NRXN1: variants seen among roughly 807,000 people sequenced by gnomAD.
NRXN1 encodes the protein neurexin 1, also known as neurexin-1.
In NRXN1, 39 loss-of-function variants were observed where a neutral mutation model predicts 150.9. The observed-to-expected ratio is 0.26, with a 90% confidence interval of 0.20 to 0.34. The LOEUF is 0.34. Among genes scored for constraint, NRXN1 ranks in the 10% least tolerant of loss-of-function variants. NRXN1 has a pLI of 1.00. For missense variants in NRXN1, 1,815 were observed against 1,949.9 expected (o/e 0.93, Z 1.30); for synonymous variants, 924 against 757.0 (o/e 1.22, Z -3.62).
chr2:50,146,122 G>A lies in NRXN1; in HGVS notation c.3547-54628C>T, dbSNP rs192598442. The stretch of plus-strand genomic sequence containing the variant: ...CTCTTTAAGTGTGTATGAGAGGAGA[G>A]AAGGCGGGTTAAACTGGCAGTTATA... On this transcript the variant is annotated intron_variant, in intron 18 of 22. Transcript: ENST00000401669. Among the ~76,000 whole-genome samples, 6 of 151,772 alleles carry A rather than the reference G, an allele frequency of 4.0e-5. No homozygotes were observed. The East Asian group carries it at 7.8e-4, about 20-fold the overall frequency.
chr2:50,229,072 T>G (rs1380091710), intron 18 of NRXN1, among the ~76,000 whole-genome samples: 1 of 152,026 alleles, frequency 6.6e-6, no homozygotes, highest in African/African-American at 2.4e-5. Context: ...CGATTCTAAT[T>G]TATAATTTGG....
intron 5 of NRXN1, among the ~76,000 whole-genome samples, chr2:50,865,611 T>TGTGC (rs1276098375): frequency 6.8e-6 from 1 of 145,994 alleles, no homozygotes; most frequent in African/African-American, 2.5e-5. Flanking sequence ...TGTGTGTGTG[T>TGTGC]GTGTAGTAGC....
chr2:50,786,901 G>C (rs372017767), intron 5 of NRXN1, among the ~76,000 whole-genome samples: 64 of 152,200 alleles, frequency 4.2e-4, no homozygotes, highest in African/African-American at 1.5e-3. Context: ...TAAAAAAATG[G>C]AAAATTCTTC....
intron 5 of NRXN1, among the ~76,000 whole-genome samples, chr2:50,837,988 C>A (rs1174253765): frequency 6.6e-6 from 1 of 152,060 alleles, no homozygotes; most frequent in Non-Finnish European, 1.5e-5. Context: ...CATTGCTGGC[C>A]TCATAAGACT....
chr2:50,124,553 G>A (rs1213406488), intron 18 of NRXN1, among the ~76,000 whole-genome samples: 1 of 152,054 alleles, frequency 6.6e-6, no homozygotes, highest in Non-Finnish European at 1.5e-5. Flanking sequence ...AATGCATACA[G>A]TTGTATTCAC....
chr2:50,215,451 G>T (rs2063330197), intron 18 of NRXN1, among the ~76,000 whole-genome samples: 1 of 151,874 alleles, frequency 6.6e-6, no homozygotes, highest in Non-Finnish European at 1.5e-5. Flanking sequence ...GTCTAACATT[G>T]TCTCAATCAA....
intron 2 of NRXN1, among the ~76,000 whole-genome samples, chr2:50,984,797 C>A (rs968023234): frequency 6.6e-6 from 1 of 151,912 alleles, no homozygotes; most frequent in Non-Finnish European, 1.5e-5. Flanking sequence ...CAAATCAAGT[C>A]AGTGACAAAG....
At chr2:50,748,923 T>C (rs1473320589) in intron 5 of NRXN1, among the ~76,000 whole-genome samples, 1 of 152,146 alleles carries the variant, frequency 6.6e-6, no homozygotes, top group Non-Finnish European at 1.5e-5. Flanking sequence ...GTATGTCTAA[T>C]GTTAAAAGTC....
At chr2:50,447,604 C>T (rs1173952006) in intron 17 of NRXN1, among the ~76,000 whole-genome samples, 1 of 141,694 alleles carries the variant, frequency 7.1e-6, no homozygotes, top group African/African-American at 2.6e-5. Context: ...CCAGGATTTT[C>T]TTTGTTTTTA....
At chr2:50,644,833 T>C (rs149713684) in intron 5 of NRXN1, among the ~76,000 whole-genome samples, 2,831 of 143,796 alleles carry the variant, frequency 0.02, 90 homozygotes, top group African/African-American at 0.073. Context: ...AACATTCAGG[T>C]AGGATATTTA....
chr2:50,116,359 GA>G (rs1703069460), intron 18 of NRXN1, among the ~76,000 whole-genome samples: 1 of 152,080 alleles, frequency 6.6e-6, no homozygotes, highest in Non-Finnish European at 1.5e-5. Flanking sequence ...TCAGCAGTAA[GA>G]AACACAACAC....
At chr2:50,068,063 A>G (rs1695632986) in intron 19 of NRXN1, among the ~76,000 whole-genome samples, 1 of 152,204 alleles carries the variant, frequency 6.6e-6, no homozygotes, top group Admixed American at 6.5e-5. Context: ...TGGAACTGCG[A>G]AAGTTCCCTA....
intron 5 of NRXN1, among the ~76,000 whole-genome samples, chr2:50,826,566 C>T (rs1173843313): frequency 1.3e-5 from 2 of 151,822 alleles, no homozygotes; most frequent in Admixed American, 6.6e-5. Context: ...TGGAAGTGAC[C>T]CTAAGTAATC....
chr2:50,395,776 G>C (rs1572816610), intron 17 of NRXN1, among the ~76,000 whole-genome samples: 1 of 152,114 alleles, frequency 6.6e-6, no homozygotes, highest in African/African-American at 2.4e-5. Flanking sequence ...AAGTGAGTCA[G>C]ACAACTTGTC....
At chr2:49,971,801 T>C (rs1678005157) in intron 21 of NRXN1, among the ~76,000 whole-genome samples, 1 of 152,280 alleles carries the variant, frequency 6.6e-6, no homozygotes, top group South Asian at 2.1e-4. Flanking sequence ...GGAAAACTAG[T>C]ATAATGATCT....
intron 5 of NRXN1, among the ~76,000 whole-genome samples, chr2:50,830,659 T>C (rs545010077): frequency 6.6e-6 from 1 of 151,060 alleles, no homozygotes; most frequent in Non-Finnish European, 1.5e-5. Context: ...CAGAACTTTA[T>C]GGCATTCACC....
intron 5 of NRXN1, among the ~76,000 whole-genome samples, chr2:50,688,902 A>G (rs1691649186): frequency 1.3e-5 from 2 of 152,176 alleles, no homozygotes. Flanking sequence ...GTTGTCTTTC[A>G]GGTTTTTTGT....
chr2:50,922,609 A>G (rs1285231472), intron 4 of NRXN1, 49 bp downstream of exon 4: 1 of 1,595,708 alleles, frequency 6.3e-7, no homozygotes, highest in South Asian at 1.1e-5. Flanking sequence ...AAGCAGCTAC[A>G]GAACAAGAAA....
chr2:50,337,332 G>A (rs556419802), intron 17 of NRXN1, among the ~76,000 whole-genome samples: 4 of 152,092 alleles, frequency 2.6e-5, no homozygotes, highest in African/African-American at 7.2e-5. Flanking sequence ...TGATCTGCTC[G>A]CCTCAGCCTC....
Sources: allele counts gnomAD v4.1 joint callset (sites outside exome capture counted in the v4.1 genomes callset), GRCh38; gene constraint gnomAD v4.1.1; transcripts MANE v1.5; gene names NCBI Gene and HGNC (gene_info 2026-07-23, HGNC 2026-07-21).